Variants in SPON2 observed in about 807,000 individuals in gnomAD.
SPON2 encodes spondin 2.
A neutral mutation model predicts 29.9 loss-of-function variants in SPON2; 32 were observed. That is an observed-to-expected ratio of 1.07 (90% CI 0.81 to 1.44). The LOEUF (loss-of-function observed/expected upper bound fraction) is 1.44, where lower values mean the gene tolerates loss of function less well. Ranked by LOEUF, SPON2 falls within the 40% of genes most tolerant of loss-of-function variation. SPON2 has a pLI of 0.00. For missense variants in SPON2, 541 were observed against 455.5 expected (o/e 1.19, Z -1.71); for synonymous variants, 248 against 209.1 (o/e 1.19, Z -1.61).
In SPON2 at chr4:1,171,925, G is replaced by A; in HGVS notation, c.147C>T (p.Gly49=). The A allele has an allele frequency of 6.2e-7, 1 of 1,612,920 alleles. No individual in the cohort carries two copies. The highest frequency in any genetic ancestry group is 1.1e-5 in the South Asian group (1 of 91,086). The part of the protein sequence containing the change: ...ALAKYSITFT[G]KWSQTAFPKQ... ...TGGGGAAGGCCGTCTGGCTCCACTT[G>A]CCCGTGAAGGTGATGCTGTATTTGG... The change falls in exon 2 of 6, where the codon GGC becomes GGT. Residue 49 remains glycine (G), a synonymous_variant. Coordinates refer to ENST00000290902, the MANE Select transcript of SPON2 (RefSeq NM_012445.4).
At chr4:1,167,866 G>A (rs1410373387) in intron 5 of SPON2, 1 of 475,560 alleles carries the variant, frequency 2.1e-6, no homozygotes, top group Non-Finnish European at 3.6e-6. Context: ...CTGGAGTTGC[G>A]CGTTTCTACG....
upstream of SPON2, among the ~76,000 whole-genome samples, chr4:1,174,763 GA>G (rs2153077644): frequency 6.6e-6 from 1 of 152,280 alleles, no homozygotes; most frequent in South Asian, 2.1e-4. Context: ...ACGTTGGTGC[GA>G]ATCTTTGTAT....
upstream of SPON2, among the ~76,000 whole-genome samples, chr4:1,174,513 A>G (rs1209944287): frequency 6.6e-6 from 1 of 151,384 alleles, no homozygotes; most frequent in African/African-American, 2.4e-5. Flanking sequence ...CAAAAAAACA[A>G]AAAACAAAAA....
At chr4:1,206,630 G>A (rs1357762004) in intron 1 of SPON2, among the ~76,000 whole-genome samples, 4 of 152,208 alleles carry the variant, frequency 2.6e-5, no homozygotes, top group Non-Finnish European at 5.9e-5. Context: ...GGGGCTCTTG[G>A]AATAGAAGGA....
intron 1 of SPON2, among the ~76,000 whole-genome samples, chr4:1,186,123 A>C (rs935786304): frequency 1.7e-4 from 25 of 150,916 alleles, no homozygotes; most frequent in African/African-American, 5.8e-4. Flanking sequence ...GGGCGCCTGT[A>C]GTCCCAGCTA....
intron 1 of SPON2, among the ~76,000 whole-genome samples, chr4:1,183,820 G>A (rs192573512): frequency 8.4e-4 from 128 of 151,902 alleles, no homozygotes; most frequent in African/African-American, 2.9e-3. Context: ...GTACACAAAG[G>A]GAAATGAGAA....
At chr4:1,192,916 G>C (rs1727941259) in intron 1 of SPON2, among the ~76,000 whole-genome samples, 1 of 152,218 alleles carries the variant, frequency 6.6e-6, no homozygotes, top group Non-Finnish European at 1.5e-5. Context: ...GGAGGGGGCA[G>C]AGCTCAATGT....
rs1449637997 is a variant in SPON2 at position 1,202,731 on chromosome 4, A to G, written c.-234+5149T>C. Reference sequence around the variant, plus strand: ...CGGTGGGGACTCCGAGGCAGCTCCAACCCCACGATGAGCCTCTGCCTGGGC... The same window carrying G: ...CGGTGGGGACTCCGAGGCAGCTCCAGCCCCACGATGAGCCTCTGCCTGGGC... On this transcript the variant is annotated intron_variant, in intron 1 of 3. Coordinates refer to the SPON2 transcript ENST00000509233. This position sits in a 1 kb window ranked among gnomAD's most constrained non-coding sequence, Gnocchi z 5.4. 6.6e-6 allele frequency among the ~76,000 whole-genome samples: 1 copy of G among 151,272 alleles called. No homozygotes were observed. The highest frequency in any genetic ancestry group is 1.5e-5 in the Non-Finnish European group (1 of 67,768).
Position 1,171,333 on chromosome 4 carries a change from G to A in SPON2, c.374C>T (p.Ser125Leu), listed in dbSNP as rs1356289419. Residue 125 changes from serine to leucine, a missense_variant, in exon 3 of 6, where the codon TCG becomes TTG. By Grantham distance (145) the Ser-to-Leu change is moderately radical (BLOSUM62 -2). Transcript: ENST00000290902. ...GGTGCCGCTGGGGACGGCGGGCGCC[G>A]AAAACACCGCGTGCACGCTCTGCAG... Reference protein sequence around the residue: ...EALQSVHAVFSAPAVPSGTGQ... With the variant: ...EALQSVHAVFLAPAVPSGTGQ... 1.9e-6 allele frequency: 3 copies of A among 1,605,516 alleles called. No homozygotes were observed. The highest frequency in any genetic ancestry group is 2.5e-6 in the Non-Finnish European group (3 of 1,178,464).
upstream of SPON2, among the ~76,000 whole-genome samples, chr4:1,196,530 T>G (rs1342466433): frequency 6.6e-6 from 1 of 152,048 alleles, no homozygotes; most frequent in Non-Finnish European, 1.5e-5. Flanking sequence ...CTCCCGAGAC[T>G]CAGAGCAGAG....
At chr4:1,174,486 C>CAAAA (rs59532169), upstream of SPON2, among the ~76,000 whole-genome samples, 28 of 94,246 alleles carry the variant, frequency 3.0e-4, no homozygotes, top group African/African-American at 4.8e-4. Context: ...GACTCCATCT[C>CAAAA]AAAAAAAAAA....
Position 1,189,114 on chromosome 4 carries a change from T to G in SPON2, c.-239+5876A>C, listed in dbSNP as rs1727856099. Among the ~76,000 whole-genome samples the G allele has an allele frequency of 2.6e-5, 4 of 152,040 alleles. No homozygotes were observed. The South Asian group carries it at 8.3e-4, about 32-fold the overall frequency. On this transcript the variant is annotated intron_variant, in intron 1 of 3. Coordinates refer to the SPON2 transcript ENST00000502483. Reference sequence around the variant, plus strand: ...GGCAAAGAAGCATTCACAAGAGAATTTAGAAGATAGTTTGAGATAAATGGA... The same window carrying G: ...GGCAAAGAAGCATTCACAAGAGAATGTAGAAGATAGTTTGAGATAAATGGA...
chr4:1,167,744 A>T, intron 5 of SPON2, 88 bp from the exon 6 acceptor site: 1 of 1,423,138 alleles, frequency 7.0e-7, no homozygotes, highest in Non-Finnish European at 9.4e-7. Context: ...CAACGTGTGC[A>T]TTCATCAGAG....
At chr4:1,198,195 G>A (rs1203921925), upstream of SPON2, among the ~76,000 whole-genome samples, 1 of 152,234 alleles carries the variant, frequency 6.6e-6, no homozygotes, top group Non-Finnish European at 1.5e-5. Flanking sequence ...CGCTCGGCCG[G>A]GGCAGCTGCT....
intron 1 of SPON2, 200 bp from the exon 2 acceptor site, chr4:1,172,274 G>C: frequency 1.7e-6 from 1 of 600,980 alleles, no homozygotes; most frequent in Non-Finnish European, 2.9e-6. Context: ...GATCGCCCGT[G>C]CGCCTGCGAG....
intron 1 of SPON2, among the ~76,000 whole-genome samples, chr4:1,187,306 A>G (rs1727824697): frequency 6.6e-6 from 1 of 152,238 alleles, no homozygotes; most frequent in Non-Finnish European, 1.5e-5. Flanking sequence ...TAGATGAGGT[A>G]CTTAGAATAG....
In SPON2 at chr4:1,171,373, C is replaced by T. The variant is rs557172912; in HGVS notation, c.334G>A (p.Ala112Thr). 1 of 1,612,012 alleles carries T rather than the reference C, an allele frequency of 6.2e-7. No homozygotes were observed. The highest frequency in any genetic ancestry group is 1.3e-5 in the African/African-American group (1 of 75,020). ...ACGCTCTGCAGCGCCTCCCCCGCCGCCTCGATCTCCTTCATCAGCGCCCAG... is the reference window on the plus strand; with the variant it reads ...ACGCTCTGCAGCGCCTCCCCCGCCGTCTCGATCTCCTTCATCAGCGCCCAG... Reference protein sequence around the residue: ...EAWALMKEIEAAGEALQSVHA... With the variant: ...EAWALMKEIETAGEALQSVHA... The change falls in exon 3 of 6, where the codon GCG (alanine) becomes ACG (threonine). Residue 112 changes from alanine (A) to threonine (T), a missense_variant. Ala to Thr is a moderately conservative substitution (Grantham distance 58). Transcript: ENST00000290902.
At chr4:1,172,178 A>G in intron 1 of SPON2, 104 bp from the exon 2 acceptor site, 1 of 956,216 alleles carries the variant, frequency 1.0e-6, no homozygotes, top group South Asian at 1.6e-5. Context: ...GACGGCCCCG[A>G]GCACCCGCGA....
At chr4:1,190,048 T>A (rs1203520082) in intron 1 of SPON2, among the ~76,000 whole-genome samples, 3 of 148,848 alleles carry the variant, frequency 2.0e-5, no homozygotes, top group Non-Finnish European at 3.0e-5. Flanking sequence ...ATAGCCAGAC[T>A]AAGAAAAAAG....
Sources: gnomAD v4.1 joint callset for allele counts (sites outside exome capture counted in the v4.1 genomes callset) on GRCh38, gnomAD v4.1.1 for gene constraint, Gnocchi (gnomAD v3.1) non-coding constraint, MANE v1.5 for transcripts, NCBI Gene and HGNC (gene_info 2026-07-23, HGNC 2026-07-21) for gene names.